WDR26: variants seen among roughly 807,000 people sequenced by gnomAD.
WDR26 encodes WD repeat domain 26, also known as WD repeat-containing protein 26.
In WDR26, 5 loss-of-function variants were observed where a neutral mutation model predicts 84.1. The observed-to-expected ratio is 0.06, with a 90% CI of 0.03 to 0.13. The LOEUF is 0.13. Among genes scored for constraint, WDR26 ranks in the 10% least tolerant of loss-of-function variants. WDR26 has a pLI of 1.00. For synonymous variants in WDR26, 415 were observed against 389.6 expected, an observed-to-expected ratio of 1.07 and a Z score of -0.77; for missense variants, 642 against 974.9, an observed-to-expected ratio of 0.66 and a Z score of 4.55.
intron 1 of WDR26, 62 bp from the exon 2 acceptor site, chr1:224,431,843 A>C: frequency 7.6e-7 from 1 of 1,320,526 alleles, no homozygotes; most frequent in Non-Finnish European, 1.0e-6. Context: ...TCCTTCAAAT[A>C]AACTAATGTC....
At position 224,425,348 on chromosome 1, in the gene WDR26, G is replaced by A. The variant is rs116040988; in HGVS notation, c.928-694C>T. ...CTACGTTAGATGGTTGAACTTAAAG[G>A]TTTTTAAAAAGATTCAATATTTGTA... On this transcript the variant is annotated intron_variant, in intron 3 of 13. Transcript: ENST00000414423. 9.5e-3 allele frequency among the ~76,000 whole-genome samples: 1,439 copies of A among 152,248 alleles called. 24 individuals carry two copies. The highest frequency in any genetic ancestry group is 0.032 in the African/African-American group (1,332 of 41,550).
chr1:224,412,451 T>C (rs1673765165), intron 6 of WDR26, among the ~76,000 whole-genome samples: 1 of 152,190 alleles, frequency 6.6e-6, no homozygotes, highest in African/African-American at 2.4e-5. Flanking sequence ...CAGAATTCCT[T>C]ACCCAAGGAT....
chr1:224,422,256 G>C (rs1273681459), intron 4 of WDR26, among the ~76,000 whole-genome samples: 1 of 152,150 alleles, frequency 6.6e-6, no homozygotes, highest in African/African-American at 2.4e-5. Flanking sequence ...TGTCACTAGA[G>C]TAATGAATAA....
chr1:224,403,000 T>C (rs1006886157), intron 8 of WDR26, among the ~76,000 whole-genome samples: 7 of 152,162 alleles, frequency 4.6e-5, no homozygotes, highest in Admixed American at 3.9e-4. Flanking sequence ...GGGTAAGATA[T>C]CTAATTTACT....
intron 3 of WDR26, chr1:224,429,916 A>G (rs981096636): frequency 2.2e-4 from 34 of 152,232 alleles, no homozygotes; most frequent in African/African-American, 6.8e-4. Context: ...TTTACTACTA[A>G]ATTACAGATA....
intron 13 of WDR26, among the ~76,000 whole-genome samples, chr1:224,392,715 A>G (rs6426119): frequency 0.98 from 148,417 of 152,196 alleles, 72,477 homozygotes; most frequent in East Asian, 1. Context: ...TGTGCTCTTC[A>G]TGTTTTGTAT....
At chr1:224,412,472 G>A (rs1443333666) in intron 6 of WDR26, among the ~76,000 whole-genome samples, 1 of 152,144 alleles carries the variant, frequency 6.6e-6, no homozygotes, top group Non-Finnish European at 1.5e-5. Flanking sequence ...GAAATAAGAG[G>A]AAGAGAAAAT....
intron 7 of WDR26, among the ~76,000 whole-genome samples, chr1:224,404,971 A>G (rs1399335349): frequency 6.6e-6 from 1 of 152,186 alleles, no homozygotes; most frequent in Non-Finnish European, 1.5e-5. Flanking sequence ...CATCCTTTTA[A>G]AGTATACAAC....
At chr1:224,431,917 G>A in intron 1 of WDR26, 136 bp from the exon 2 acceptor site, 1 of 620,564 alleles carries the variant, frequency 1.6e-6, no homozygotes, top group Non-Finnish European at 2.5e-6. Context: ...GCTTTCATGT[G>A]CCTGGTTAAA....
At chr1:224,415,000 A>C (rs1431379273) in intron 6 of WDR26, among the ~76,000 whole-genome samples, 1 of 152,208 alleles carries the variant, frequency 6.6e-6, no homozygotes, top group Non-Finnish European at 1.5e-5. Context: ...GGGCAAGATC[A>C]TGTGTTGAAT....
At chr1:224,408,259 C>T (rs1297221254) in intron 7 of WDR26, among the ~76,000 whole-genome samples, 1 of 152,188 alleles carries the variant, frequency 6.6e-6, no homozygotes, top group Non-Finnish European at 1.5e-5. Flanking sequence ...TAGTTCTTTA[C>T]CTCTTCTTCA....
Position 224,434,239 on chromosome 1 carries a change from G to C in WDR26, c.167C>G (p.Ser56Trp). 7.2e-7 allele frequency: 1 copy of C among 1,380,380 alleles called. No individual in the cohort carries two copies. Among genetic ancestry groups the C allele is most frequent in the Non-Finnish European group, 9.3e-7 (1 of 1,070,786 alleles). The allele number at this position is 1,380,380 out of a possible 1,614,324, so 85.5% of individuals were successfully genotyped here. A position where few individuals can be genotyped will look rare whatever the true frequency, so the allele number is the denominator to read the frequency against. ...GGAGGAGGAGGAGGACGAGGACGAC[G>C]AGGACGGAGGGGAGAGGCCTGCTCT... Residue 56 changes from serine (S) to tryptophan (W), a missense_variant, in exon 1 of 14, where the codon TCG becomes TGG. This residue lies in a region of WDR26 where 291 missense variants were observed against 302.1 expected (regional missense o/e 0.96). Transcript: ENST00000414423.
At position 224,398,062 on chromosome 1, in the gene WDR26, A is replaced by G. The variant is rs965131058; in HGVS notation, c.2074+35T>C. The G allele has an allele frequency of 2.5e-6, 4 of 1,595,048 alleles. No individual in the cohort carries two copies. The African/African-American group carries it at 5.4e-5, about 22-fold the overall frequency. ...TAAATTGAGATTTACAGACTTTAAT[A>G]TCAACATATGTAAACTGATAAGGAC... On this transcript the variant is annotated intron_variant, in intron 12 of 13. Coordinates refer to ENST00000414423, the MANE Select transcript of WDR26 (RefSeq NM_001379403.1).
At chr1:224,409,395 T>C (rs1182185212) in intron 7 of WDR26, among the ~76,000 whole-genome samples, 2 of 152,236 alleles carry the variant, frequency 1.3e-5, no homozygotes, top group Admixed American at 6.5e-5. Context: ...TTAAACATAT[T>C]CTGAGAAAGA....
At chr1:224,392,495 C>G (rs186197330) in intron 13 of WDR26, among the ~76,000 whole-genome samples, 1 of 152,226 alleles carries the variant, frequency 6.6e-6, no homozygotes, top group Admixed American at 6.5e-5. Flanking sequence ...GAGAAAAGCA[C>G]AGATTGAATC....
rs1237208144 is a variant in WDR26, at chr1:224,434,750, C to G, written c.-345G>C. 8.1e-6 allele frequency: 8 copies of G among 987,038 alleles called. No homozygotes were observed. The highest frequency in any genetic ancestry group is 6.2e-5 in the Admixed American group (1 of 16,222). 61.1% of individuals were successfully genotyped at this position (987,038 alleles called of 1,614,324 possible). On this transcript the variant is annotated 5_prime_UTR_variant, in exon 1 of 14. Coordinates refer to ENST00000414423, the MANE Select transcript of WDR26 (RefSeq NM_001379403.1). ...TGCCGCCTCTGTCCTCGGATCCGCTCCGCTCTGCTCCCTGGTGTGTTGATT... is the reference window on the plus strand; with the variant it reads ...TGCCGCCTCTGTCCTCGGATCCGCTGCGCTCTGCTCCCTGGTGTGTTGATT...
chr1:224,405,535 A>T (rs1274537291), intron 7 of WDR26, among the ~76,000 whole-genome samples: 1 of 152,232 alleles, frequency 6.6e-6, no homozygotes, highest in Non-Finnish European at 1.5e-5. Context: ...CAATCCTACC[A>T]GCAAAGCTAC....
At chr1:224,396,579 G>C (rs534679528) in intron 12 of WDR26, among the ~76,000 whole-genome samples, 3 of 152,296 alleles carry the variant, frequency 2.0e-5, no homozygotes, top group Admixed American at 2.0e-4. Flanking sequence ...TTCCTGACTG[G>C]AAAAAAGTAA....
At chr1:224,403,712 G>A (rs1479025152) in intron 8 of WDR26, among the ~76,000 whole-genome samples, 4 of 152,168 alleles carry the variant, frequency 2.6e-5, no homozygotes, top group Non-Finnish European at 5.9e-5. Flanking sequence ...CGAGGCAGGC[G>A]GATCACTTTA....
Sources: gnomAD v4.1 joint callset for allele counts (sites outside exome capture counted in the v4.1 genomes callset) on GRCh38, gnomAD v4.1.1 for gene constraint, gnomAD v4.1.1 regional missense constraint, MANE v1.5 for transcripts, NCBI Gene and HGNC (gene_info 2026-07-23, HGNC 2026-07-21) for gene names.